The following MAP7 variants were observed in gnomAD, a reference collection of about 807,000 sequenced individuals.
The protein encoded by MAP7 is microtubule associated protein 7, also known as ensconsin.
In MAP7, 52 loss-of-function variants were observed where a neutral mutation model predicts 94.8. That is an observed-to-expected ratio of 0.55 (90% confidence interval 0.44 to 0.69). The LOEUF is 0.69. MAP7 is among the 30% of genes least tolerant of loss of function. The pLI is 0.00. For missense variants in MAP7, 940 were observed against 964.6 expected (o/e 0.97, Z 0.34); for synonymous variants, 350 against 357.0 (o/e 0.98, Z 0.22).
At chr6:136,377,077 G>A (rs557438533) in intron 7 of MAP7, among the ~76,000 whole-genome samples, 6 of 150,820 alleles carry the variant, frequency 4.0e-5, no homozygotes, top group African/African-American at 1.2e-4. Context: ...TAGGCTTACC[G>A]ACTAGATGTA....
At chr6:136,472,775 C>G (rs1426413530) in intron 1 of MAP7, among the ~76,000 whole-genome samples, 1 of 152,112 alleles carries the variant, frequency 6.6e-6, no homozygotes, top group African/African-American at 2.4e-5. Context: ...AGCATTACCA[C>G]TTTGCTTCCA....
chr6:136,441,106 G>A (rs909966131), intron 1 of MAP7, among the ~76,000 whole-genome samples: 3 of 152,040 alleles, frequency 2.0e-5, no homozygotes, highest in South Asian at 2.1e-4. Context: ...GATGAACACC[G>A]GTTGATTCTA....
chr6:136,525,905 T>A, intron 1 of MAP7: 1 of 1,535,926 alleles, frequency 6.5e-7, no homozygotes, highest in Non-Finnish European at 8.7e-7. Flanking sequence ...CAAGAGGAAT[T>A]GGCCTTGCAT....
chr6:136,452,663 G>A (rs1299846483), intron 1 of MAP7, among the ~76,000 whole-genome samples: 3 of 151,674 alleles, frequency 2.0e-5, no homozygotes, highest in Admixed American at 1.3e-4. Context: ...AGTGACTGTC[G>A]TGCCTCAGCC....
At chr6:136,402,927 A>AG in intron 3 of MAP7, among the ~76,000 whole-genome samples, 1 of 147,338 alleles carries the variant, frequency 6.8e-6, no homozygotes, top group Admixed American at 6.7e-5. Flanking sequence ...AAAAAAAAAA[A>AG]AAAAAAAAAA....
intron 1 of MAP7, among the ~76,000 whole-genome samples, chr6:136,481,941 C>T (rs1248206387): frequency 2.0e-5 from 3 of 152,004 alleles, no homozygotes; most frequent in African/African-American, 4.8e-5. Context: ...TTGAAAAATC[C>T]AAGTGAAGGG....
At chr6:136,353,344 G>C (rs1380755848) in intron 16 of MAP7, among the ~76,000 whole-genome samples, 2 of 152,160 alleles carry the variant, frequency 1.3e-5, no homozygotes, top group Non-Finnish European at 2.9e-5. Context: ...AAATATGCTA[G>C]TGCCATGTAA....
intron 1 of MAP7, among the ~76,000 whole-genome samples, chr6:136,510,352 A>G (rs1156553939): frequency 6.6e-6 from 1 of 152,168 alleles, no homozygotes; most frequent in East Asian, 1.9e-4. Flanking sequence ...ACCTAAAGAA[A>G]CAGGAGGCTA....
Position 136,550,246 on chromosome 6 carries a change from G to T in MAP7, c.67+96C>A. ...GGCCGCGGCCGCGCGGGCGGGGAGGGGGCTGCCGGCGCCGGGTGATTTCGG... is the reference window on the plus strand; with the variant it reads ...GGCCGCGGCCGCGCGGGCGGGGAGGTGGCTGCCGGCGCCGGGTGATTTCGG... On this transcript the variant is annotated intron_variant, in intron 1 of 17. Coordinates refer to ENST00000354570, the MANE Select transcript of MAP7 (RefSeq NM_003980.6). The surrounding 1 kb of genome is among the most constrained non-coding windows in gnomAD (Gnocchi z 5.1). 2 of 1,128,870 alleles carry T rather than the reference G, an allele frequency of 1.8e-6. No individual in the cohort carries two copies. The allele number at this position is 1,128,870 out of a possible 1,614,324, so 69.9% of individuals were successfully genotyped here.
Position 136,540,970 on chromosome 6 carries a change from T to C in MAP7, c.67+9372A>G, listed in dbSNP as rs1287458165. Among the ~76,000 whole-genome samples the C allele has an allele frequency of 2.0e-5, 3 of 152,168 alleles. No homozygotes were observed. The East Asian group carries it at 5.8e-4, about 29-fold the overall frequency. On this transcript the variant is annotated intron_variant, in intron 1 of 17. Coordinates refer to ENST00000354570, the MANE Select transcript of MAP7 (RefSeq NM_003980.6). ...CAATAATCATTTCAACAACATAACC[T>C]TGGGGTCAAGGAGTGACCCATATTT...
chr6:136,357,255 A>C (rs1272725238), intron 15 of MAP7, among the ~76,000 whole-genome samples: 1 of 152,214 alleles, frequency 6.6e-6, no homozygotes, highest in African/African-American at 2.4e-5. Context: ...GCACACTTAG[A>C]ACAATGAGGA....
At chr6:136,440,903 A>G (rs1361468609) in intron 1 of MAP7, among the ~76,000 whole-genome samples, 2 of 151,692 alleles carry the variant, frequency 1.3e-5, no homozygotes, top group African/African-American at 4.8e-5. Context: ...TCTACTTAGG[A>G]GTTCAACTGT....
chr6:136,424,017 C>T (rs893424168), intron 1 of MAP7, among the ~76,000 whole-genome samples: 2 of 151,888 alleles, frequency 1.3e-5, no homozygotes, highest in African/African-American at 2.4e-5. Flanking sequence ...AGGCTGGTCT[C>T]GAACTCCCAA....
chr6:136,344,983 T>C (rs1010493293), intron 17 of MAP7, among the ~76,000 whole-genome samples: 3 of 152,192 alleles, frequency 2.0e-5, no homozygotes, highest in Admixed American at 6.5e-5. Flanking sequence ...CCAGTTCTTT[T>C]TGTAGAAATA....
At chr6:136,401,252 T>A (rs962214087) in intron 3 of MAP7, among the ~76,000 whole-genome samples, 4 of 152,168 alleles carry the variant, frequency 2.6e-5, no homozygotes, top group Non-Finnish European at 4.4e-5. Context: ...CTTGGGAGGC[T>A]GAGGCAGAAG....
At chr6:136,434,262 G>A (rs192595515) in intron 1 of MAP7, among the ~76,000 whole-genome samples, 9 of 142,162 alleles carry the variant, frequency 6.3e-5, no homozygotes, top group Admixed American at 2.2e-4. Flanking sequence ...AGACAAGATC[G>A]CACCACTGCA....
intron 13 of MAP7, 59 bp downstream of exon 13, chr6:136,360,636 AGT>A: frequency 7.0e-7 from 1 of 1,436,672 alleles, no homozygotes; most frequent in South Asian, 1.1e-5. Flanking sequence ...GGCCAGGGCT[AGT>A]CTCTGGGTCT....
At chr6:136,392,014 T>C (rs772213739) in intron 3 of MAP7, among the ~76,000 whole-genome samples, 1 of 152,258 alleles carries the variant, frequency 6.6e-6, no homozygotes, top group Non-Finnish European at 1.5e-5. Context: ...GATTCTGTTA[T>C]ATTCCACCTC....
intron 1 of MAP7, among the ~76,000 whole-genome samples, chr6:136,437,088 C>T (rs1311525771): frequency 1.3e-5 from 2 of 152,216 alleles, no homozygotes; most frequent in East Asian, 1.9e-4. Flanking sequence ...CCTCTTGTAT[C>T]GGAGGAAGGA....
Sources: gnomAD v4.1 joint callset for allele counts (sites outside exome capture counted in the v4.1 genomes callset) on GRCh38, gnomAD v4.1.1 for gene constraint, Gnocchi (gnomAD v3.1) non-coding constraint, MANE v1.5 for transcripts, NCBI Gene and HGNC (gene_info 2026-07-23, HGNC 2026-07-21) for gene names.